MAST4: variants seen among roughly 807,000 people sequenced by gnomAD.
The protein encoded by MAST4 is microtubule-associated serine/threonine-protein kinase 4.
Under a neutral mutation model 162.7 loss-of-function variants are expected in MAST4, and 89 were observed. The ratio of observed to expected loss-of-function variants is 0.55; its 90% CI spans 0.46 to 0.65. MAST4 has a LOEUF of 0.65. Ranked by LOEUF, MAST4 falls within the 30% of genes least tolerant of loss-of-function variation. The pLI is 0.00. For synonymous variants in MAST4, 1,479 were observed against 1,361.1 expected (o/e 1.09, Z -1.91); for missense variants, 3,153 against 3,374.0 (o/e 0.93, Z 1.62).
intron 14 of MAST4, among the ~76,000 whole-genome samples, chr5:67,127,509 T>C (rs1191005522): frequency 1.3e-5 from 2 of 152,218 alleles, no homozygotes; most frequent in Non-Finnish European, 2.9e-5. Flanking sequence ...TTTTTGTGGT[T>C]GGTTCTGTTT....
chr5:66,632,803 ATGAAG>A (rs1156658901), intron 1 of MAST4, among the ~76,000 whole-genome samples: 3 of 152,190 alleles, frequency 2.0e-5, no homozygotes, highest in Admixed American at 6.5e-5. Context: ...TAAGTATGAA[ATGAAG>A]TGTTTTATAT....
intron 5 of MAST4, among the ~76,000 whole-genome samples, chr5:67,083,840 C>T (rs1038308819): frequency 6.6e-6 from 1 of 152,152 alleles, no homozygotes; most frequent in African/African-American, 2.4e-5. Flanking sequence ...GTAATCTCTT[C>T]TCTGTTGCTA....
intron 4 of MAST4, among the ~76,000 whole-genome samples, chr5:66,943,390 A>G (rs2150109627): frequency 6.6e-6 from 1 of 152,246 alleles, no homozygotes; most frequent in East Asian, 1.9e-4. Flanking sequence ...TTATTAAACA[A>G]GGCCCTGAGA....
intron 5 of MAST4, among the ~76,000 whole-genome samples, chr5:67,072,664 G>T (rs1761124285): frequency 1.3e-5 from 2 of 152,144 alleles, no homozygotes; most frequent in Admixed American, 6.5e-5. Flanking sequence ...AATGAAGTAG[G>T]TTGTATACAA....
At chr5:67,037,506 A>G (rs189817011) in intron 4 of MAST4, among the ~76,000 whole-genome samples, 14 of 152,312 alleles carry the variant, frequency 9.2e-5, no homozygotes, top group Admixed American at 9.2e-4. Context: ...AGAAGCAAAA[A>G]ATGAGCTATC....
chr5:66,984,070 C>G lies in MAST4; in HGVS notation c.675-70334C>G, dbSNP rs115743612. Among the ~76,000 whole-genome samples, 978 of 152,282 alleles carry G rather than the reference C, an allele frequency of 6.4e-3. 7 individuals carry two copies. The highest frequency in any genetic ancestry group is 0.022 in the African/African-American group (909 of 41,562). Reference sequence around the variant, plus strand: ...CGGTGACAGACAGGATAGAGAAAGTCTCTGCTCTCATGGAGCTTATATCCC... The same window carrying G: ...CGGTGACAGACAGGATAGAGAAAGTGTCTGCTCTCATGGAGCTTATATCCC... On this transcript the variant is annotated intron_variant, in intron 4 of 28. Coordinates refer to ENST00000403625, the MANE Select transcript of MAST4 (RefSeq NM_001164664.2).
At chr5:67,030,347 G>C (rs1045670156) in intron 4 of MAST4, among the ~76,000 whole-genome samples, 10 of 151,936 alleles carry the variant, frequency 6.6e-5, no homozygotes, top group African/African-American at 2.4e-4. Flanking sequence ...TTAAACTTTG[G>C]CTTGAACCAG....
chr5:66,609,185 T>C (rs1743110084), intron 1 of MAST4, among the ~76,000 whole-genome samples: 1 of 151,876 alleles, frequency 6.6e-6, no homozygotes, highest in Admixed American at 6.6e-5. Flanking sequence ...GTCACAAGTC[T>C]ATCACTCCTG....
chr5:67,026,857 A>G lies in MAST4; in HGVS notation c.675-27547A>G, dbSNP rs537141338. ...GAGGGCAAAGACTCCCTCCCTCCTT[A>G]TCTTTGGGCCTCACCTTATATTAAT... On this transcript the variant is annotated intron_variant, in intron 4 of 28. Coordinates refer to ENST00000403625, the MANE Select transcript of MAST4 (RefSeq NM_001164664.2). Among the ~76,000 whole-genome samples, 6 of 152,218 alleles carry G rather than the reference A, an allele frequency of 3.9e-5. No homozygotes were observed. The East Asian group carries it at 1.2e-3, about 29-fold the overall frequency.
chr5:67,152,689 C>T lies in MAST4; in HGVS notation c.3348C>T (p.Ser1116=). 6.2e-7 allele frequency: 1 copy of T among 1,614,066 alleles called. No individual in the cohort carries two copies. The highest frequency in any genetic ancestry group is 1.1e-5 in the South Asian group (1 of 91,084). ...GTCCAATGTCTCCCCATTCCCTGTC[C>T]TCGGACCCTTCTTCTTCACGAGATT... ...LGSPMSPHSL[S]SDPSSSRDSS... is the part of the protein sequence containing the mutation. Residue 1116 remains serine, a synonymous_variant, in exon 25 of 29, where the codon TCC becomes TCT. Transcript: ENST00000403625.
In MAST4 at chr5:66,933,033, G is replaced by A. The variant is rs115094438; in HGVS notation, c.674+33051G>A. On this transcript the variant is annotated intron_variant, in intron 4 of 28. Transcript: ENST00000403625. ...CTCACCTAAATAAGAATCATATTTT[G>A]AAACCCATAGACATTGGGAAACCAG... Among the ~76,000 whole-genome samples, 886 of 152,094 alleles carry A rather than the reference G, an allele frequency of 5.8e-3. 10 individuals are homozygous for A. Among genetic ancestry groups the A allele is most frequent in the African/African-American group, 0.021 (854 of 41,504 alleles).
intron 4 of MAST4, among the ~76,000 whole-genome samples, chr5:67,015,794 G>A (rs903152302): frequency 6.6e-6 from 1 of 152,146 alleles, no homozygotes; most frequent in Non-Finnish European, 1.5e-5. Flanking sequence ...ATACTTGGAG[G>A]GGCTATTTAT....
Position 67,049,008 on chromosome 5 carries a change from C to CATATATATATATACGTGT in MAST4, c.675-5380_675-5379insGTATATATATATATACGT, listed in dbSNP as rs1554087376. ...ATATGTATATATATATATACACACA[C>CATATATATATATACGTGT]ATATATATATATACGTATATATATA... On this transcript the variant is annotated intron_variant, in intron 4 of 28. Transcript: ENST00000403625. 1.3e-3 allele frequency among the ~76,000 whole-genome samples: 131 copies of CATATATATATATACGTGT among 104,504 alleles called. 3 individuals are homozygous for CATATATATATATACGTGT. The highest frequency in any genetic ancestry group is 2.1e-3 in the Admixed American group (21 of 10,066). The allele number at this position is 104,504 out of a possible 152,430, so 68.6% of individuals were successfully genotyped here.
intron 4 of MAST4, among the ~76,000 whole-genome samples, chr5:66,975,141 G>A (rs575473881): frequency 6.6e-6 from 1 of 152,286 alleles, no homozygotes; most frequent in Non-Finnish European, 1.5e-5. Context: ...GAAGCCAGAA[G>A]ATGCAAGGAG....
At chr5:67,030,389 A>G (rs1755160416) in intron 4 of MAST4, among the ~76,000 whole-genome samples, 1 of 152,184 alleles carries the variant, frequency 6.6e-6, no homozygotes, top group African/African-American at 2.4e-5. Flanking sequence ...TGAGATGACC[A>G]TCTGATGTTT....
At chr5:66,718,696 G>A (rs1169544270) in intron 1 of MAST4, among the ~76,000 whole-genome samples, 5 of 152,170 alleles carry the variant, frequency 3.3e-5, no homozygotes, top group Non-Finnish European at 5.9e-5. Context: ...AGTTTGTCTG[G>A]ATGTGCTCTG....
chr5:66,988,696 C>A (rs1749765842), intron 4 of MAST4, among the ~76,000 whole-genome samples: 1 of 152,188 alleles, frequency 6.6e-6, no homozygotes. Context: ...TGTTCTCAAG[C>A]ACTGTACAAT....
intron 3 of MAST4, among the ~76,000 whole-genome samples, chr5:66,810,418 T>C (rs1756420907): frequency 6.6e-6 from 1 of 152,180 alleles, no homozygotes; most frequent in Admixed American, 6.5e-5. Flanking sequence ...GTTGACACCC[T>C]GATTGGGATA....
intron 9 of MAST4, 74 bp downstream of exon 9, chr5:67,102,685 T>C: frequency 8.2e-7 from 1 of 1,221,402 alleles, no homozygotes; most frequent in Non-Finnish European, 1.2e-6. Flanking sequence ...TAAGGTTGTT[T>C]TGTTATAGGA....
Sources: gnomAD v4.1 joint callset for allele counts (sites outside exome capture counted in the v4.1 genomes callset) on GRCh38, gnomAD v4.1.1 for gene constraint, MANE v1.5 for transcripts, NCBI Gene and HGNC (gene_info 2026-07-23, HGNC 2026-07-21) for gene names.